KIAA1328: variants seen among roughly 807,000 people sequenced by gnomAD.
KIAA1328 encodes protein hinderin.
KIAA1328 carries 52 observed loss-of-function variants against 68.1 expected under a neutral mutation model. The ratio of observed to expected loss-of-function variants is 0.76; its 90% CI spans 0.61 to 0.96. KIAA1328 has a LOEUF of 0.96. Ranked by LOEUF, KIAA1328 falls within the 40% of genes least tolerant of loss-of-function variation. The pLI is 0.00. For missense variants in KIAA1328, 641 were observed against 677.6 expected (o/e 0.95, Z 0.60); for synonymous variants, 232 against 239.4 (o/e 0.97, Z 0.28).
At chr18:37,082,050 A>C (rs1458483361) in intron 7 of KIAA1328, among the ~76,000 whole-genome samples, 1 of 152,126 alleles carries the variant, frequency 6.6e-6, no homozygotes, top group Non-Finnish European at 1.5e-5. Context: ...GGAGTATTAA[A>C]ATGAGCAAGA....
chr18:37,096,145 T>C (rs1465355423), intron 7 of KIAA1328, among the ~76,000 whole-genome samples: 1 of 152,188 alleles, frequency 6.6e-6, no homozygotes, highest in Non-Finnish European at 1.5e-5. Context: ...TTTACATATG[T>C]ACACATGTGC....
intron 7 of KIAA1328, among the ~76,000 whole-genome samples, chr18:37,125,020 G>A (rs2058358769): frequency 1.3e-5 from 2 of 152,292 alleles, no homozygotes; most frequent in South Asian, 4.1e-4. Flanking sequence ...TAATGAAGAT[G>A]AAAACAGAAC....
At chr18:37,162,108 A>G (rs2059292549) in intron 8 of KIAA1328, among the ~76,000 whole-genome samples, 1 of 152,224 alleles carries the variant, frequency 6.6e-6, no homozygotes, top group Admixed American at 6.5e-5. Context: ...GTGCACAATG[A>G]ATCCTAATAG....
At chr18:37,003,302 A>G (rs1012628661) in intron 6 of KIAA1328, among the ~76,000 whole-genome samples, 2 of 152,138 alleles carry the variant, frequency 1.3e-5, no homozygotes, top group African/African-American at 4.8e-5. Flanking sequence ...ATGAATAAGA[A>G]CTCAAAAGCA....
Position 37,075,832 on chromosome 18 carries a change from G to A in KIAA1328, c.1232+8287G>A, listed in dbSNP as rs911315054. Among the ~76,000 whole-genome samples, 382 of 152,280 alleles carry A rather than the reference G, an allele frequency of 2.5e-3. 1 individual carries two copies. Among genetic ancestry groups the A allele is most frequent in the Non-Finnish European group, 4.6e-3 (310 of 68,022 alleles). On this transcript the variant is annotated intron_variant, in intron 7 of 9. Coordinates refer to ENST00000280020, the MANE Select transcript of KIAA1328 (RefSeq NM_020776.3). Reference sequence around the variant, plus strand: ...ATACAGGAGCACCCAGATTCATAAAGCAAGTCCTGAGTGACCTACAAAGAG... The same window carrying A: ...ATACAGGAGCACCCAGATTCATAAAACAAGTCCTGAGTGACCTACAAAGAG...
intron 7 of KIAA1328, among the ~76,000 whole-genome samples, chr18:37,069,956 T>A (rs1432535072): frequency 6.6e-6 from 1 of 152,130 alleles, no homozygotes; most frequent in East Asian, 1.9e-4. Flanking sequence ...TGGAAGCATT[T>A]AGTGCTCTAA....
intron 5 of KIAA1328, among the ~76,000 whole-genome samples, chr18:36,918,800 T>C (rs1598710692): frequency 6.6e-6 from 1 of 152,182 alleles, no homozygotes; most frequent in South Asian, 2.1e-4. Flanking sequence ...TGAAGTACTA[T>C]ATTTGCATTA....
intron 9 of KIAA1328, among the ~76,000 whole-genome samples, chr18:37,215,937 G>A (rs979209785): frequency 2.0e-5 from 3 of 152,202 alleles, no homozygotes; most frequent in Non-Finnish European, 4.4e-5. Flanking sequence ...TATTTGCTTA[G>A]AAGTGTTTAT....
intron 6 of KIAA1328, among the ~76,000 whole-genome samples, chr18:37,038,073 C>T (rs1159490797): frequency 6.6e-6 from 1 of 151,850 alleles, no homozygotes; most frequent in African/African-American, 2.4e-5. Context: ...TGCACTCTAG[C>T]CTGGGTGGCA....
At chr18:36,854,984 C>G (rs1240035024) in intron 4 of KIAA1328, among the ~76,000 whole-genome samples, 1 of 152,074 alleles carries the variant, frequency 6.6e-6, no homozygotes, top group African/African-American at 2.4e-5. Flanking sequence ...TGTAGCAATA[C>G]TTCATTTCTT....
chr18:37,090,497 G>T (rs1055731279), intron 7 of KIAA1328, among the ~76,000 whole-genome samples: 9 of 152,156 alleles, frequency 5.9e-5, no homozygotes. Context: ...CCTGGTGTTA[G>T]TGGAGACAAC....
chr18:36,890,431 G>A (rs531151242), intron 5 of KIAA1328, among the ~76,000 whole-genome samples: 1 of 152,212 alleles, frequency 6.6e-6, no homozygotes, highest in African/African-American at 2.4e-5. Flanking sequence ...AGCACTTTGG[G>A]AGGCCAAGGC....
At chr18:37,002,228 C>CTTT (rs145948250) in intron 6 of KIAA1328, among the ~76,000 whole-genome samples, 5 of 95,156 alleles carry the variant, frequency 5.3e-5, no homozygotes, top group African/African-American at 1.1e-4. Flanking sequence ...ATTTTTTTTT[C>CTTT]TTTTTTTTTT....
intron 5 of KIAA1328, among the ~76,000 whole-genome samples, chr18:36,947,271 A>C (rs2050942016): frequency 6.6e-6 from 1 of 152,224 alleles, no homozygotes; most frequent in Non-Finnish European, 1.5e-5. Flanking sequence ...ACATTTAAGG[A>C]GGCTTATTAT....
At chr18:37,054,292 T>C (rs979925596) in intron 6 of KIAA1328, among the ~76,000 whole-genome samples, 3 of 152,152 alleles carry the variant, frequency 2.0e-5, no homozygotes, top group African/African-American at 4.8e-5. Flanking sequence ...ACATTTTACC[T>C]AGCAGTCTCA....
At chr18:36,989,513 C>T (rs936950876) in intron 6 of KIAA1328, among the ~76,000 whole-genome samples, 1 of 152,102 alleles carries the variant, frequency 6.6e-6, no homozygotes, top group Admixed American at 6.6e-5. Flanking sequence ...TAAAAAAATT[C>T]TTCTGCTTTT....
Position 37,005,053 on chromosome 18 carries a change from A to C in KIAA1328, c.576+45618A>C, listed in dbSNP as rs532482948. Among the ~76,000 whole-genome samples, 314 of 152,210 alleles carry C rather than the reference A, an allele frequency of 2.1e-3. 4 individuals carry two copies. Among genetic ancestry groups the C allele is most frequent in the Non-Finnish European group, 5.0e-4 (34 of 67,982 alleles). On this transcript the variant is annotated intron_variant, in intron 6 of 9. Transcript: ENST00000280020. ...TATAAATGGTGGCTAAGCTATGAGGAGGCAAAGGCATAAGAATGATACAAT... is the reference window on the plus strand; with the variant it reads ...TATAAATGGTGGCTAAGCTATGAGGCGGCAAAGGCATAAGAATGATACAAT...
rs566148016 is a variant in KIAA1328, at chr18:36,866,114, A to G, written c.333-19443A>G. 5.9e-5 allele frequency among the ~76,000 whole-genome samples: 9 copies of G among 152,232 alleles called. No homozygotes were observed. The South Asian group carries it at 1.2e-3, about 21-fold the overall frequency. ...CTAATCTTCACCAGTACCCACTACC[A>G]ACTCCTGCATAGATCCGCTCCTCCC... On this transcript the variant is annotated intron_variant, in intron 4 of 9. Coordinates refer to ENST00000280020, the MANE Select transcript of KIAA1328 (RefSeq NM_020776.3).
At chr18:36,890,223 CTTCT>C (rs1359082348) in intron 5 of KIAA1328, among the ~76,000 whole-genome samples, 7 of 144,224 alleles carry the variant, frequency 4.9e-5, no homozygotes, top group Admixed American at 1.4e-4. Context: ...TTTCTTTCTT[CTTCT>C]TTTTTTTTTT....
Sources: allele counts gnomAD v4.1 joint callset (sites outside exome capture counted in the v4.1 genomes callset), GRCh38; gene constraint gnomAD v4.1.1; transcripts MANE v1.5; gene names NCBI Gene and HGNC (gene_info 2026-07-23, HGNC 2026-07-21).